Variants in ENTREP2 observed in about 807,000 individuals in gnomAD.
The protein encoded by ENTREP2 is endosomal transmembrane epsin interactor 2, also known as protein ENTREP2.
the ENTREP2 span, among the ~76,000 whole-genome samples, chr15:29,152,491 C>T: frequency 6.6e-6 from 1 of 152,216 alleles, no homozygotes; most frequent in Admixed American, 6.5e-5. Context: ...ATAATTTTGT[C>T]ATTTCAAGAA....
At chr15:29,550,807 CGCA>C in the ENTREP2 span, among the ~76,000 whole-genome samples, 4 of 152,276 alleles carry the variant, frequency 2.6e-5, no homozygotes, top group South Asian at 8.3e-4. Flanking sequence ...CATTCACTCA[CGCA>C]GCAAACATTT....
the ENTREP2 span, among the ~76,000 whole-genome samples, chr15:29,398,598 G>A: frequency 6.6e-6 from 1 of 151,988 alleles, no homozygotes; most frequent in Non-Finnish European, 1.5e-5. Flanking sequence ...GTGGCACATG[G>A]CTATAGTCTC....
the ENTREP2 span, among the ~76,000 whole-genome samples, chr15:29,539,946 C>T: frequency 1.3e-5 from 2 of 152,152 alleles, no homozygotes; most frequent in African/African-American, 4.8e-5. Context: ...ACCAACAGCT[C>T]TCTCACTCTG....
chr15:29,614,289 G>A, the ENTREP2 span: 20 of 152,788 alleles, frequency 1.3e-4, no homozygotes, highest in Non-Finnish European at 2.0e-4. Flanking sequence ...GGACGCCGCC[G>A]CAGAAGAGGG....
At chr15:29,206,278 C>T in the ENTREP2 span, among the ~76,000 whole-genome samples, 4 of 152,102 alleles carry the variant, frequency 2.6e-5, no homozygotes, top group Non-Finnish European at 4.4e-5. Context: ...ATTATAAAGG[C>T]ACTAACCCAC....
the ENTREP2 span, among the ~76,000 whole-genome samples, chr15:29,207,432 G>C: frequency 7.2e-6 from 1 of 138,620 alleles, no homozygotes; most frequent in Non-Finnish European, 1.6e-5. Flanking sequence ...CCTACGAGCG[G>C]TGTGCCGCTG....
the ENTREP2 span, among the ~76,000 whole-genome samples, chr15:29,492,996 T>A: frequency 1.3e-5 from 2 of 150,288 alleles, no homozygotes; most frequent in Admixed American, 1.3e-4. Flanking sequence ...AGAGTGAGAC[T>A]CCGTCTCCAA....
At chr15:29,443,997 A>G in the ENTREP2 span, among the ~76,000 whole-genome samples, 1 of 152,036 alleles carries the variant, frequency 6.6e-6, no homozygotes, top group African/African-American at 2.4e-5. Flanking sequence ...CCAGCTACTC[A>G]GGAGGCTGAG....
chr15:29,348,369 C>T, the ENTREP2 span, among the ~76,000 whole-genome samples: 5 of 152,078 alleles, frequency 3.3e-5, no homozygotes, highest in Non-Finnish European at 7.4e-5. Context: ...CGGGTCTGGC[C>T]TCACTGAAAT....
chr15:29,458,636 C>CAG, the ENTREP2 span, among the ~76,000 whole-genome samples: 10 of 152,154 alleles, frequency 6.6e-5, no homozygotes, highest in Non-Finnish European at 1.5e-4. Context: ...GTCACGCCTC[C>CAG]TCTGGATCCT....
the ENTREP2 span, among the ~76,000 whole-genome samples, chr15:29,441,554 A>G: frequency 9.5e-3 from 1,442 of 152,230 alleles, 28 homozygotes; most frequent in African/African-American, 0.032. Flanking sequence ...AGTTATGCGC[A>G]CGTGTGTGTG....
chr15:29,487,347 G>A, the ENTREP2 span, among the ~76,000 whole-genome samples: 1 of 152,108 alleles, frequency 6.6e-6, no homozygotes, highest in South Asian at 2.1e-4. Flanking sequence ...AAGAAATGAA[G>A]GTCAAGGCAT....
chr15:29,354,593 T>G, the ENTREP2 span, among the ~76,000 whole-genome samples: 1 of 152,184 alleles, frequency 6.6e-6, no homozygotes, highest in Non-Finnish European at 1.5e-5. Context: ...GATATTTTGA[T>G]GAAACCAGAG....
the ENTREP2 span, among the ~76,000 whole-genome samples, chr15:29,418,069 T>C: frequency 6.6e-6 from 1 of 152,178 alleles, no homozygotes; most frequent in Non-Finnish European, 1.5e-5. Context: ...GCAAATGTGT[T>C]TTAAAGACCC....
chr15:29,618,990 G>A, the ENTREP2 span, among the ~76,000 whole-genome samples: 2 of 152,234 alleles, frequency 1.3e-5, no homozygotes, highest in Admixed American at 6.5e-5. Context: ...GGCTGGAGTG[G>A]AGGAGGACCA....
chr15:29,146,116 G>T, the ENTREP2 span, among the ~76,000 whole-genome samples: 1 of 152,100 alleles, frequency 6.6e-6, no homozygotes, highest in South Asian at 2.1e-4. Flanking sequence ...AGCAAAACTT[G>T]CACACTGAAA....
At chr15:29,490,318 G>A in the ENTREP2 span, among the ~76,000 whole-genome samples, 1 of 152,180 alleles carries the variant, frequency 6.6e-6, no homozygotes, top group African/African-American at 2.4e-5. Flanking sequence ...GCTCTTGAAG[G>A]TAATACAGAG....
chr15:29,489,716 A>G, the ENTREP2 span, among the ~76,000 whole-genome samples: 1 of 152,168 alleles, frequency 6.6e-6, no homozygotes, highest in East Asian at 1.9e-4. Flanking sequence ...CAGCTCTATG[A>G]AGGAGAACTT....
chr15:29,155,496 G>A, the ENTREP2 span, among the ~76,000 whole-genome samples: 4 of 152,062 alleles, frequency 2.6e-5, no homozygotes, highest in Non-Finnish European at 5.9e-5. Flanking sequence ...TCATATGCAC[G>A]TGCTAACCAG....
Sources: allele counts gnomAD v4.1 joint callset (sites outside exome capture counted in the v4.1 genomes callset), GRCh38; gene constraint gnomAD v4.1.1; transcripts MANE v1.5; gene names NCBI Gene and HGNC (gene_info 2026-07-23, HGNC 2026-07-21).